The following DNAH11 variants were observed in gnomAD, a reference collection of about 807,000 sequenced individuals.
DNAH11 encodes the protein axonemal beta dynein heavy chain 11.
Under a neutral mutation model 526.0 loss-of-function variants are expected in DNAH11, and 442 were observed. The ratio of observed to expected loss-of-function variants is 0.84; its 90% CI spans 0.78 to 0.91. The LOEUF (loss-of-function observed/expected upper bound fraction) is 0.91. Among genes scored for constraint, DNAH11 ranks in the 40% least tolerant of loss-of-function variants. DNAH11 has a pLI of 0.00. For synonymous variants in DNAH11, 2,461 were observed against 1,935.9 expected (o/e 1.27, Z -7.12); for missense variants, 6,989 against 5,448.7 (o/e 1.28, Z -8.90).
chr7:21,603,749 C>A (rs974704958), intron 18 of DNAH11, among the ~76,000 whole-genome samples: 7 of 152,098 alleles, frequency 4.6e-5, no homozygotes, highest in Non-Finnish European at 8.8e-5. Flanking sequence ...ATAAATAGTT[C>A]TTGTTTCTAG....
intron 44 of DNAH11, among the ~76,000 whole-genome samples, chr7:21,723,305 G>A (rs946941420): frequency 6.6e-6 from 1 of 152,214 alleles, no homozygotes; most frequent in Non-Finnish European, 1.5e-5. Context: ...AGGAACTGAA[G>A]CTTAGAAAGG....
At chr7:21,847,724 T>C (rs1381963357) in intron 66 of DNAH11, among the ~76,000 whole-genome samples, 1 of 152,196 alleles carries the variant, frequency 6.6e-6, no homozygotes, top group Non-Finnish European at 1.5e-5. Flanking sequence ...TCCTTGCTGA[T>C]TTTTTGCCTG....
chr7:21,638,683 GCTAA>G (rs1409167244), intron 27 of DNAH11, among the ~76,000 whole-genome samples: 2 of 135,814 alleles, frequency 1.5e-5, no homozygotes, highest in African/African-American at 2.8e-5. Flanking sequence ...TTTAGCCACA[GCTAA>G]TGGGGTGTGT....
intron 28 of DNAH11, among the ~76,000 whole-genome samples, chr7:21,652,056 T>C (rs1416359527): frequency 6.6e-6 from 1 of 152,178 alleles, no homozygotes; most frequent in African/African-American, 2.4e-5. Flanking sequence ...AAATGAAAAT[T>C]GATAATGCTA....
At chr7:21,678,274 G>A (rs554257789) in intron 30 of DNAH11, among the ~76,000 whole-genome samples, 5 of 151,010 alleles carry the variant, frequency 3.3e-5, no homozygotes, top group South Asian at 2.1e-4. Context: ...GTCCAATTTC[G>A]TTCTTTTGCA....
chr7:21,592,773 G>C (rs1188285446), intron 14 of DNAH11, among the ~76,000 whole-genome samples: 1 of 152,212 alleles, frequency 6.6e-6, no homozygotes, highest in Non-Finnish European at 1.5e-5. Flanking sequence ...AGGAATCAGA[G>C]GAGAGAGAAG....
At chr7:21,833,310 T>C (rs1210724896) in intron 65 of DNAH11, among the ~76,000 whole-genome samples, 4 of 152,158 alleles carry the variant, frequency 2.6e-5, no homozygotes, top group Non-Finnish European at 5.9e-5. Context: ...CAACCTGAAA[T>C]GATAGAAGGT....
At chr7:21,734,813 A>G (rs1443444423) in intron 45 of DNAH11, among the ~76,000 whole-genome samples, 2 of 151,942 alleles carry the variant, frequency 1.3e-5, no homozygotes, top group Non-Finnish European at 2.9e-5. Flanking sequence ...AGCCATCATC[A>G]CGCCACTGCA....
At chr7:21,599,190 A>T (rs1014332782) in intron 14 of DNAH11, among the ~76,000 whole-genome samples, 9 of 152,216 alleles carry the variant, frequency 5.9e-5, no homozygotes, top group Admixed American at 5.9e-4. Flanking sequence ...GAACTAATTA[A>T]CATTTCTACC....
chr7:21,574,339 T>C (rs61307665), intron 8 of DNAH11, among the ~76,000 whole-genome samples: 7,667 of 152,234 alleles, frequency 0.05, 644 homozygotes, highest in African/African-American at 0.17. Context: ...TTAATATTTA[T>C]GGACGAAGTA....
At chr7:21,834,379 G>A (rs1227559805) in intron 65 of DNAH11, among the ~76,000 whole-genome samples, 3 of 152,110 alleles carry the variant, frequency 2.0e-5, no homozygotes, top group African/African-American at 4.8e-5. Context: ...TTCCTACATC[G>A]AAAAATTGAA....
chr7:21,880,826 C>A lies in DNAH11; in HGVS notation c.12320C>A (p.Pro4107His). 1 of 1,613,986 alleles carries A rather than the reference C, an allele frequency of 6.2e-7. No individual in the cohort carries two copies. Among genetic ancestry groups the A allele is most frequent in the East Asian group, 2.2e-5 (1 of 44,872 alleles). The change falls in exon 75 of 82, where the codon CCT (proline) becomes CAT (histidine). Residue 4107 changes from proline (P) to histidine (H), a missense_variant. Transcript: ENST00000409508. ...FGPQGWSRSY[P>H]FNPGDLTICA... is the part of the protein sequence containing the mutation. ...CCCCAGGGCTGGAGCCGAAGCTATC[C>A]TTTTAATCCTGGAGACCTCACCATT...
intron 55 of DNAH11, among the ~76,000 whole-genome samples, chr7:21,767,878 C>T (rs1256696058): frequency 1.3e-5 from 2 of 152,114 alleles, no homozygotes; most frequent in African/African-American, 4.8e-5. Flanking sequence ...TTAGGCACTT[C>T]TTAATTATTG....
At chr7:21,841,076 CAGG>C in intron 65 of DNAH11, among the ~76,000 whole-genome samples, 1 of 152,116 alleles carries the variant, frequency 6.6e-6, no homozygotes, top group East Asian at 1.9e-4. Context: ...CTCAGCTACT[CAGG>C]AGGCTGAGGC....
intron 28 of DNAH11, among the ~76,000 whole-genome samples, chr7:21,651,730 T>C (rs138485413): frequency 2.0e-5 from 3 of 152,382 alleles, no homozygotes; most frequent in Non-Finnish European, 4.4e-5. Flanking sequence ...TTTGGTTAAA[T>C]AACGCCAGTG....
At chr7:21,584,560 C>A (rs1164333015) in intron 9 of DNAH11, among the ~76,000 whole-genome samples, 1 of 151,928 alleles carries the variant, frequency 6.6e-6, no homozygotes, top group Non-Finnish European at 1.5e-5. Flanking sequence ...ACATGTATCC[C>A]AGAACTTAAA....
At position 21,855,436 on chromosome 7, in the gene DNAH11, A is replaced by T. The variant is rs1196927144; in HGVS notation, c.11202+981A>T. Among the ~76,000 whole-genome samples, 21 of 152,250 alleles carry T rather than the reference A, an allele frequency of 1.4e-4. 1 individual carries two copies. The highest frequency in any genetic ancestry group is 1.4e-3 in the Admixed American group (21 of 15,288). ...TTTCTTTGCTAAAGAAAGAAAAATA[A>T]TAAGAACAACTATTTATTGAGTCAC... On this transcript the variant is annotated intron_variant, in intron 68 of 81. Transcript: ENST00000409508.
At chr7:21,605,649 G>A (rs1785250720) in intron 18 of DNAH11, among the ~76,000 whole-genome samples, 1 of 152,196 alleles carries the variant, frequency 6.6e-6, no homozygotes, top group Admixed American at 6.5e-5. Context: ...GGGAGCTAGA[G>A]AAAAGCCGAG....
Position 21,839,573 on chromosome 7 carries a change from TC to T in DNAH11, c.10692-2970del, listed in dbSNP as rs2128014572. 2.2e-5 allele frequency among the ~76,000 whole-genome samples: 3 copies of T among 134,812 alleles called. No homozygotes were observed. The South Asian group carries it at 6.5e-4, about 29-fold the overall frequency. 88.4% of individuals were successfully genotyped at this position (134,812 alleles called of 152,430 possible). ...CTGGGCGACAGAGTGAGACTCCGTT[TC>T]AAAAAAAAAAAAAGGGGACGTATGT... On this transcript the variant is annotated intron_variant, in intron 65 of 81. Coordinates refer to ENST00000409508, the MANE Select transcript of DNAH11 (RefSeq NM_001277115.2).
Sources: allele counts gnomAD v4.1 joint callset (sites outside exome capture counted in the v4.1 genomes callset), GRCh38; gene constraint gnomAD v4.1.1; transcripts MANE v1.5; gene names NCBI Gene and HGNC (gene_info 2026-07-23, HGNC 2026-07-21).